The following MAPK4 variants were observed in gnomAD, a reference collection of about 807,000 sequenced individuals.
The protein encoded by MAPK4 is mitogen-activated protein kinase 4, also known as Erk3-related.
In MAPK4, 22 loss-of-function variants were observed where a neutral mutation model predicts 47.7. The ratio of observed to expected loss-of-function variants is 0.46; its 90% CI spans 0.33 to 0.66. MAPK4 has a LOEUF of 0.66. Among genes scored for constraint, MAPK4 ranks in the 30% least tolerant of loss-of-function variants. The pLI, the probability that MAPK4 is intolerant of heterozygous loss-of-function variation, is 0.02. For missense variants in MAPK4, 736 were observed against 831.7 expected (o/e 0.88, Z 1.42); for synonymous variants, 390 against 365.7 (o/e 1.07, Z -0.76).
intron 2 of MAPK4, among the ~76,000 whole-genome samples, chr18:50,690,520 G>T (rs1909152189): frequency 6.6e-6 from 1 of 152,206 alleles, no homozygotes; most frequent in Non-Finnish European, 1.5e-5. Context: ...AAATGACAAA[G>T]GGATTCTGTC....
At chr18:50,581,802 A>G (rs1249424675) in intron 1 of MAPK4, among the ~76,000 whole-genome samples, 3 of 152,204 alleles carry the variant, frequency 2.0e-5, no homozygotes, top group Non-Finnish European at 4.4e-5. Context: ...GGGATACGTG[A>G]CATGTCCTAG....
chr18:50,709,504 T>C (rs1910236893), intron 2 of MAPK4, among the ~76,000 whole-genome samples: 1 of 152,206 alleles, frequency 6.6e-6, no homozygotes, highest in Admixed American at 6.5e-5. Context: ...ACATGGCCCT[T>C]CTGCAACCTA....
At chr18:50,711,594 G>A (rs1910367236) in intron 2 of MAPK4, among the ~76,000 whole-genome samples, 1 of 152,174 alleles carries the variant, frequency 6.6e-6, no homozygotes, top group African/African-American at 2.4e-5. Context: ...TGTGCCTGCT[G>A]TCCTGCTCAC....
At chr18:50,706,399 C>G (rs1426526939) in intron 2 of MAPK4, among the ~76,000 whole-genome samples, 2 of 151,844 alleles carry the variant, frequency 1.3e-5, no homozygotes, top group Admixed American at 1.3e-4. Flanking sequence ...TTCCCACCCC[C>G]CCGCCTCCGC....
intron 1 of MAPK4, among the ~76,000 whole-genome samples, chr18:50,645,016 G>A (rs2042975208): frequency 6.6e-6 from 1 of 152,196 alleles, no homozygotes; most frequent in South Asian, 2.1e-4. Flanking sequence ...GCAGGCGAGA[G>A]CCATCTAGAG....
chr18:50,661,870 A>T (rs1419600558), intron 1 of MAPK4, among the ~76,000 whole-genome samples: 1 of 152,256 alleles, frequency 6.6e-6, no homozygotes, highest in East Asian at 1.9e-4. Context: ...TCTTGAGTAC[A>T]TCTTATTCAA....
intron 2 of MAPK4, among the ~76,000 whole-genome samples, chr18:50,682,170 T>A (rs1210970857): frequency 6.6e-6 from 1 of 152,120 alleles, no homozygotes; most frequent in African/African-American, 2.4e-5. Context: ...TATTACCTTG[T>A]GAATAAACTA....
chr18:50,695,338 TAAAAAAAAAAA>T (rs59857315), intron 2 of MAPK4, among the ~76,000 whole-genome samples: 1 of 84,696 alleles, frequency 1.2e-5, no homozygotes, highest in Non-Finnish European at 2.2e-5. Context: ...GGCTCCATCT[TAAAAAAAAAAA>T]AAAAAAAAAA....
chr18:50,583,301 C>T (rs1021478415), intron 1 of MAPK4, among the ~76,000 whole-genome samples: 1 of 152,138 alleles, frequency 6.6e-6, no homozygotes, highest in Admixed American at 6.5e-5. Context: ...CAGAAGGAAC[C>T]AATCAGCCAG....
chr18:50,569,493 A>G (rs1284254895), intron 1 of MAPK4, among the ~76,000 whole-genome samples: 2 of 152,226 alleles, frequency 1.3e-5, no homozygotes, highest in African/African-American at 4.8e-5. Context: ...GATCACCCAG[A>G]TGACATGAAG....
At chr18:50,562,422 A>T (rs1343843716) in intron 1 of MAPK4, among the ~76,000 whole-genome samples, 18 of 139,816 alleles carry the variant, frequency 1.3e-4, no homozygotes, top group African/African-American at 4.9e-4. Context: ...GGCCAATAAA[A>T]AAAAAAAAAA....
In MAPK4 at chr18:50,682,936, C is replaced by T. The variant is rs563425580; in HGVS notation, c.546+18432C>T. Among the ~76,000 whole-genome samples the T allele has an allele frequency of 7.4e-4, 113 of 152,306 alleles. 1 individual carries two copies. Among genetic ancestry groups the T allele is most frequent in the Non-Finnish European group, 1.3e-3 (91 of 68,030 alleles). ...CATTCACAACACTACAGATGTATCT[C>T]AGGAGAGTTGTGCTGAGTGAAAGAT... On this transcript the variant is annotated intron_variant, in intron 2 of 5. Transcript: ENST00000400384.
At chr18:50,652,218 A>G (rs2043057854) in intron 1 of MAPK4, among the ~76,000 whole-genome samples, 1 of 152,234 alleles carries the variant, frequency 6.6e-6, no homozygotes, top group Admixed American at 6.5e-5. Context: ...CGTATGGTCC[A>G]GGGATTGTTG....
Position 50,665,787 on chromosome 18 carries a change from G to A in MAPK4, c.546+1283G>A, listed in dbSNP as rs143136412. Among the ~76,000 whole-genome samples the A allele has an allele frequency of 6.3e-3, 953 of 152,268 alleles. 4 individuals are homozygous for A. Among genetic ancestry groups the A allele is most frequent in the Non-Finnish European group, 9.8e-3 (669 of 68,008 alleles). ...AATTACTTAGTGACCTTAACCATGAGCCTGCCCTCTGCCCCACTCCTGCAG... is the reference window on the plus strand; with the variant it reads ...AATTACTTAGTGACCTTAACCATGAACCTGCCCTCTGCCCCACTCCTGCAG... On this transcript the variant is annotated intron_variant, in intron 2 of 5. Coordinates refer to ENST00000400384, the MANE Select transcript of MAPK4 (RefSeq NM_002747.4).
chr18:50,583,979 G>A (rs1228262806), intron 1 of MAPK4, among the ~76,000 whole-genome samples: 2 of 152,198 alleles, frequency 1.3e-5, no homozygotes, highest in South Asian at 2.1e-4. Context: ...GGGCATAAAT[G>A]TCTGTCTTTA....
chr18:50,648,661 A>G (rs2043015447), intron 1 of MAPK4, among the ~76,000 whole-genome samples: 1 of 152,110 alleles, frequency 6.6e-6, no homozygotes, highest in Non-Finnish European at 1.5e-5. Context: ...CAGGGGACAA[A>G]AGCTAGAGGT....
intron 1 of MAPK4, among the ~76,000 whole-genome samples, chr18:50,608,195 C>G (rs988027476): frequency 1.3e-5 from 2 of 152,202 alleles, no homozygotes; most frequent in Non-Finnish European, 2.9e-5. Context: ...TTTACTCATT[C>G]TCCCCCTGCT....
At chr18:50,708,758 C>G (rs1358493014) in intron 2 of MAPK4, among the ~76,000 whole-genome samples, 1 of 152,126 alleles carries the variant, frequency 6.6e-6, no homozygotes, top group African/African-American at 2.4e-5. Flanking sequence ...GCCCTCTATT[C>G]AGGTCAAAGG....
chr18:50,605,596 C>T (rs908972245), intron 1 of MAPK4, among the ~76,000 whole-genome samples: 6 of 152,158 alleles, frequency 3.9e-5, no homozygotes, highest in Non-Finnish European at 7.4e-5. Context: ...GGCAGTTTGC[C>T]GATCTCCTTA....
Sources: allele counts gnomAD v4.1 joint callset (sites outside exome capture counted in the v4.1 genomes callset), GRCh38; gene constraint gnomAD v4.1.1; transcripts MANE v1.5; gene names NCBI Gene and HGNC (gene_info 2026-07-23, HGNC 2026-07-21).